Variants in THSD7B observed in about 807,000 individuals in gnomAD.
THSD7B encodes the protein thrombospondin type 1 domain containing 7B.
THSD7B carries 138 observed loss-of-function variants against 213.6 expected under a neutral mutation model. The ratio of observed to expected loss-of-function variants is 0.65; its 90% CI spans 0.56 to 0.74. The LOEUF (loss-of-function observed/expected upper bound fraction) is 0.74, where lower values mean the gene tolerates loss of function less well. THSD7B is among the 30% of genes least tolerant of loss of function. The pLI is 0.00. For missense variants in THSD7B, 1,931 were observed against 1,991.5 expected, an observed-to-expected ratio of 0.97 and a Z score of 0.58; for synonymous variants, 742 against 687.0, an observed-to-expected ratio of 1.08 and a Z score of -1.25.
intron 15 of THSD7B, among the ~76,000 whole-genome samples, chr2:137,559,009 G>A (rs1681047021): frequency 6.6e-6 from 1 of 152,080 alleles, no homozygotes; most frequent in Non-Finnish European, 1.5e-5. Flanking sequence ...ACTTACAAGG[G>A]ATGTGAAGGA....
intron 1 of THSD7B, among the ~76,000 whole-genome samples, chr2:136,805,133 A>G (rs984191580): frequency 3.3e-5 from 5 of 152,120 alleles, no homozygotes; most frequent in African/African-American, 1.2e-4. Flanking sequence ...TACAGTTCTT[A>G]TTTTTATTGC....
chr2:137,138,406 G>GT (rs1292154425), intron 5 of THSD7B, among the ~76,000 whole-genome samples: 1 of 152,078 alleles, frequency 6.6e-6, no homozygotes, highest in Non-Finnish European at 1.5e-5. Context: ...GGTGTTTGCA[G>GT]TTTTTTTACT....
chr2:136,966,719 G>A (rs1053226736), intron 2 of THSD7B, among the ~76,000 whole-genome samples: 2 of 151,890 alleles, frequency 1.3e-5, no homozygotes, highest in Non-Finnish European at 2.9e-5. Context: ...TCTCTTTTCC[G>A]TGTCGTCTTT....
chr2:137,646,325 A>G (rs1683029732), intron 21 of THSD7B, among the ~76,000 whole-genome samples: 1 of 152,010 alleles, frequency 6.6e-6, no homozygotes, highest in Admixed American at 6.6e-5. Flanking sequence ...AGAAGTCACC[A>G]TCTATGAGGA....
chr2:136,957,277 G>C (rs956866632), intron 2 of THSD7B, among the ~76,000 whole-genome samples: 1 of 152,098 alleles, frequency 6.6e-6, no homozygotes, highest in Admixed American at 6.5e-5. Context: ...ACTGTATCTG[G>C]TGGCAGCCAT....
At chr2:137,119,757 C>T (rs1379512202) in intron 5 of THSD7B, among the ~76,000 whole-genome samples, 1 of 152,040 alleles carries the variant, frequency 6.6e-6, no homozygotes, top group Non-Finnish European at 1.5e-5. Flanking sequence ...ATTGACTGTA[C>T]TTAAGCTTGT....
chr2:137,668,891 G>T lies in THSD7B; in HGVS notation c.4739+1030G>T, dbSNP rs143164838. Among the ~76,000 whole-genome samples the T allele has an allele frequency of 3.9e-5, 6 of 152,202 alleles. No homozygotes were observed. The East Asian group carries it at 1.2e-3, about 29-fold the overall frequency. On this transcript the variant is annotated intron_variant, in intron 27 of 27. Transcript: ENST00000409968. ...ATCCTCACCATCTTCATACTGACTAGGCTGAGGAGGAGGAGGAAGAAAGGG... is the reference window on the plus strand; with the variant it reads ...ATCCTCACCATCTTCATACTGACTATGCTGAGGAGGAGGAGGAAGAAAGGG...
chr2:136,982,819 A>G (rs1278775904), intron 2 of THSD7B, among the ~76,000 whole-genome samples: 1 of 152,212 alleles, frequency 6.6e-6, no homozygotes, highest in Non-Finnish European at 1.5e-5. Context: ...GAATTCAGAA[A>G]GGTTAATTTA....
rs375859177 is a variant in THSD7B, at chr2:137,007,747, T to C, written c.140-48673T>C. 1.4e-4 allele frequency among the ~76,000 whole-genome samples: 21 copies of C among 152,262 alleles called. No homozygotes were observed. The East Asian group carries it at 3.7e-3, about 27-fold the overall frequency. ...GAAATTAAGGTATACAACAGTAATG[T>C]TTCTATAGAGATTATATTGCCAATG... On this transcript the variant is annotated intron_variant, in intron 2 of 27. Coordinates refer to ENST00000409968, the MANE Select transcript of THSD7B (RefSeq NM_001316349.2).
Position 137,450,832 on chromosome 2 carries a change from C to T in THSD7B, c.2960-13C>T, listed in dbSNP as rs756981966. On this transcript the variant is annotated splice_polypyrimidine_tract_variant and intron_variant, in intron 14 of 27. Transcript: ENST00000409968. ...TTAATCAGACTTTCTTCTCTTAAAT[C>T]TTTTTCTGTCAGGTTACATTCAAGA... 1 of 1,571,196 alleles carries T rather than the reference C, an allele frequency of 6.4e-7. No individual in the cohort carries two copies. Among genetic ancestry groups the T allele is most frequent in the South Asian group, 1.2e-5 (1 of 84,836 alleles).
In THSD7B at chr2:137,122,601, T is replaced by C. The variant is rs539336741; in HGVS notation, c.1369+7308T>C. On this transcript the variant is annotated intron_variant, in intron 5 of 27. Coordinates refer to ENST00000409968, the MANE Select transcript of THSD7B (RefSeq NM_001316349.2). ...AGGGTAGAGAGATAGAATTGTAGGC[T>C]ATGATCTTAGGCCTCATGTGATCAG... is the stretch of plus-strand genomic sequence containing the variant. Among the ~76,000 whole-genome samples, 15 of 152,266 alleles carry C rather than the reference T, an allele frequency of 9.9e-5. No individual in the cohort carries two copies. In the South Asian group the frequency reaches 2.9e-3, roughly 29 times the overall value.
intron 21 of THSD7B, among the ~76,000 whole-genome samples, chr2:137,648,571 T>A (rs1409713596): frequency 6.6e-6 from 1 of 152,174 alleles, no homozygotes. Context: ...TTCCTTATGG[T>A]TGAGTAATAG....
intron 10 of THSD7B, among the ~76,000 whole-genome samples, chr2:137,251,889 G>A (rs1465152234): frequency 1.3e-5 from 2 of 152,188 alleles, no homozygotes; most frequent in African/African-American, 4.8e-5. Flanking sequence ...GATTGTTTGA[G>A]AAATGTGTGA....
intron 12 of THSD7B, among the ~76,000 whole-genome samples, chr2:137,362,301 G>A (rs1455075591): frequency 6.6e-6 from 1 of 152,126 alleles, no homozygotes; most frequent in Non-Finnish European, 1.5e-5. Flanking sequence ...AAAGACCATC[G>A]ATGCTACAAA....
chr2:137,456,685 A>C (rs1687771011), intron 15 of THSD7B, among the ~76,000 whole-genome samples: 1 of 152,186 alleles, frequency 6.6e-6, no homozygotes, highest in South Asian at 2.1e-4. Context: ...CTGTTCTTAC[A>C]TGCAGAGGGG....
intron 9 of THSD7B, among the ~76,000 whole-genome samples, chr2:137,239,861 G>C (rs1021261311): frequency 7.2e-5 from 11 of 152,190 alleles, no homozygotes; most frequent in African/African-American, 2.4e-4. Context: ...TCCGTGATCA[G>C]GGTGACCTCA....
intron 1 of THSD7B, among the ~76,000 whole-genome samples, chr2:136,814,424 A>T (rs545933202): frequency 2.6e-5 from 4 of 151,690 alleles, no homozygotes; most frequent in African/African-American, 9.7e-5. Flanking sequence ...TTTGAGACAG[A>T]GTCTTGCTCT....
chr2:136,887,659 C>T (rs912408475), intron 2 of THSD7B, among the ~76,000 whole-genome samples: 1 of 152,068 alleles, frequency 6.6e-6, no homozygotes, highest in Non-Finnish European at 1.5e-5. Flanking sequence ...CCTGAGGTCT[C>T]ACCAGAAGCA....
At chr2:137,151,385 C>A (rs928709441) in intron 5 of THSD7B, among the ~76,000 whole-genome samples, 25 of 151,924 alleles carry the variant, frequency 1.6e-4, no homozygotes, top group African/African-American at 5.8e-4. Flanking sequence ...TACCCTAGGC[C>A]TACGTAGGGT....
Sources: allele counts gnomAD v4.1 joint callset (sites outside exome capture counted in the v4.1 genomes callset), GRCh38; gene constraint gnomAD v4.1.1; transcripts MANE v1.5; gene names NCBI Gene and HGNC (gene_info 2026-07-23, HGNC 2026-07-21).